APC: variants seen among roughly 807,000 people sequenced by gnomAD.
APC encodes adenomatous polyposis coli protein.
A neutral mutation model predicts 247.0 loss-of-function variants in APC; 72 were observed. The observed-to-expected ratio is 0.29, with a 90% CI of 0.24 to 0.35. The LOEUF (loss-of-function observed/expected upper bound fraction) is 0.35, where lower values mean the gene tolerates loss of function less well. APC is among the 10% of genes least tolerant of loss of function. The pLI is 1.00. For synonymous variants in APC, 1,254 were observed against 1,162.5 expected (o/e 1.08, Z -1.60); for missense variants, 3,400 against 3,360.7 (o/e 1.01, Z -0.29).
At chr5:112,788,532 G>A (rs1759228826) in intron 6 of APC, among the ~76,000 whole-genome samples, 1 of 152,030 alleles carries the variant, frequency 6.6e-6, no homozygotes, top group Non-Finnish European at 1.5e-5. Flanking sequence ...AAAATGTGAG[G>A]ATTAAATGAG....
At position 112,732,161 on chromosome 5, in the gene APC, GTAA is replaced by G. The variant is rs781067565; in HGVS notation, c.165+24280_165+24282del. 2.7e-3 allele frequency among the ~76,000 whole-genome samples: 417 copies of G among 152,314 alleles called. 1 individual carries two copies. The highest frequency in any genetic ancestry group is 5.3e-3 in the Non-Finnish European group (358 of 68,016). On this transcript the variant is annotated intron_variant, in intron 1 of 13. Transcript: ENST00000507379. Reference sequence around the variant, plus strand: ...CGGGAAAGCTTTTTGACAGGAAGAAGTAAGTTTCTTTCTCCTGTAAGCAAGTCC... The same window carrying G: ...CGGGAAAGCTTTTTGACAGGAAGAAGGTTTCTTTCTCCTGTAAGCAAGTCC...
At chr5:112,808,160 A>C (rs1761614941) in intron 8 of APC, among the ~76,000 whole-genome samples, 1 of 152,194 alleles carries the variant, frequency 6.6e-6, no homozygotes. Context: ...GCCTCAAAAA[A>C]ATAAAAAAAT....
intron 7 of APC, among the ~76,000 whole-genome samples, chr5:112,799,226 A>G (rs907560759): frequency 7.9e-5 from 12 of 151,270 alleles, no homozygotes; most frequent in Non-Finnish European, 1.8e-4. Context: ...ATTACTCAAC[A>G]TATTCAAAAC....
At chr5:112,714,345 C>T (rs1205986312) in intron 1 of APC, among the ~76,000 whole-genome samples, 1 of 152,242 alleles carries the variant, frequency 6.6e-6, no homozygotes, top group African/African-American at 2.4e-5. Flanking sequence ...CACATGTATA[C>T]ACTGAAGTTA....
chr5:112,766,225 T>G, intron 2 of APC, 101 bp from the exon 3 acceptor site: 1 of 806,972 alleles, frequency 1.2e-6, no homozygotes, highest in Non-Finnish European at 2.2e-6. Flanking sequence ...TTGAGAGTGA[T>G]CTGAATTTTT....
At chr5:112,721,470 G>T (rs1177420934) in intron 1 of APC, among the ~76,000 whole-genome samples, 3 of 152,052 alleles carry the variant, frequency 2.0e-5, no homozygotes, top group African/African-American at 7.2e-5. Flanking sequence ...GAGATTTTTG[G>T]TTAAGAATTT....
intron 1 of APC, among the ~76,000 whole-genome samples, chr5:112,722,177 T>C (rs1751517783): frequency 6.6e-6 from 1 of 152,236 alleles, no homozygotes; most frequent in African/African-American, 2.4e-5. Context: ...GATTAATTTA[T>C]TGTACATTCA....
At position 112,775,670 on chromosome 5, in the gene APC, A is replaced by G; in HGVS notation, c.464A>G (p.Lys155Arg). Residue 155 changes from lysine (K) to arginine (R), a missense_variant, in exon 5 of 16, where the codon AAA becomes AGA. Around this residue, in one of 9 missense-constraint regions of APC, gnomAD observed 372 missense variants for 367.6 expected, o/e 1.01. Coordinates refer to ENST00000257430, the MANE Select transcript of APC (RefSeq NM_000038.6). ...GATCTTGACAAAGAAGAAAAGGAAA[A>G]AGACTGGTATTACGCTCAACTTCAG... ...LADLDKEEKE[K>R]DWYYAQLQNL... 6.2e-7 allele frequency: 1 copy of G among 1,609,158 alleles called. No homozygotes were observed. Among genetic ancestry groups the G allele is most frequent in the Non-Finnish European group, 8.5e-7 (1 of 1,178,082 alleles).
chr5:112,782,361 G>A (rs1252721932), intron 6 of APC, among the ~76,000 whole-genome samples: 3 of 152,080 alleles, frequency 2.0e-5, no homozygotes, highest in South Asian at 2.1e-4. Context: ...GATTTGGGTG[G>A]GGACACAGCC....
intron 1 of APC, among the ~76,000 whole-genome samples, chr5:112,751,961 TC>T (rs1361206272): frequency 6.6e-6 from 1 of 152,096 alleles, no homozygotes; most frequent in Non-Finnish European, 1.5e-5. Flanking sequence ...TGTCTTTTCC[TC>T]ATCTTTGGCA....
intron 1 of APC, among the ~76,000 whole-genome samples, chr5:112,753,459 T>G (rs1396814278): frequency 6.6e-6 from 1 of 152,220 alleles, no homozygotes; most frequent in East Asian, 1.9e-4. Flanking sequence ...CTGTAAGTTA[T>G]GTTGAAGCAG....
At chr5:112,756,152 C>A (rs1418975272) in intron 2 of APC, among the ~76,000 whole-genome samples, 1 of 152,180 alleles carries the variant, frequency 6.6e-6, no homozygotes, top group African/African-American at 2.4e-5. Context: ...TTTTGTGTGT[C>A]ACTGAGGTAA....
chr5:112,813,184 A>G (rs2149753393), intron 8 of APC, among the ~76,000 whole-genome samples: 1 of 152,338 alleles, frequency 6.6e-6, no homozygotes, highest in East Asian at 1.9e-4. Context: ...TATTGAAGAA[A>G]GATTAGTATG....
chr5:112,742,509 T>TA (rs1753157685), intron 1 of APC, among the ~76,000 whole-genome samples: 1 of 152,206 alleles, frequency 6.6e-6, no homozygotes, highest in African/African-American at 2.4e-5. Flanking sequence ...CAGTCACAGA[T>TA]ACAGTCATCT....
rs575169060 is a variant in APC at position 112,709,596 on chromosome 5, A to G, written c.165+1714A>G. 3.9e-5 allele frequency among the ~76,000 whole-genome samples: 6 copies of G among 152,016 alleles called. No homozygotes were observed. The East Asian group carries it at 1.2e-3, about 29-fold the overall frequency. ...TGTATCAAAAAACATCTGACCACAA[A>G]CTCTTTAAAACCTCTCACTTTGGCA... On this transcript the variant is annotated intron_variant, in intron 1 of 13. Coordinates refer to the APC transcript ENST00000507379.
intron 1 of APC, among the ~76,000 whole-genome samples, chr5:112,731,290 C>T (rs184898750): frequency 2.0e-5 from 3 of 152,184 alleles, no homozygotes; most frequent in Admixed American, 2.0e-4. Flanking sequence ...TTTTCTGCTA[C>T]TATAACAAAA....
chr5:112,730,219 A>G (rs1752031423), intron 1 of APC, among the ~76,000 whole-genome samples: 1 of 152,248 alleles, frequency 6.6e-6, no homozygotes, highest in East Asian at 1.9e-4. Flanking sequence ...AAATCCATTC[A>G]TTCAATAAAT....
chr5:112,833,327 T>C (rs1764512132), intron 14 of APC, among the ~76,000 whole-genome samples: 1 of 151,630 alleles, frequency 6.6e-6, no homozygotes, highest in Non-Finnish European at 1.5e-5. Flanking sequence ...GGATTACAGG[T>C]GCCCACCACC....
chr5:112,720,376 G>A (rs1156947424), intron 1 of APC, among the ~76,000 whole-genome samples: 1 of 152,142 alleles, frequency 6.6e-6, no homozygotes, highest in Non-Finnish European at 1.5e-5. Flanking sequence ...TGCTATGTTA[G>A]ATTCAAATAG....
Sources: gnomAD v4.1 joint callset for allele counts (sites outside exome capture counted in the v4.1 genomes callset) on GRCh38, gnomAD v4.1.1 for gene constraint, gnomAD v4.1.1 regional missense constraint, MANE v1.5 for transcripts, NCBI Gene and HGNC (gene_info 2026-07-23, HGNC 2026-07-21) for gene names.